The following RBFOX3 variants were observed in gnomAD, a reference collection of about 807,000 sequenced individuals.
RBFOX3 encodes RNA binding protein fox-1 homolog 3.
RBFOX3 carries 17 observed loss-of-function variants against 48.7 expected under a neutral mutation model. The ratio of observed to expected loss-of-function variants is 0.35; its 90% CI spans 0.24 to 0.52. The LOEUF is 0.52. Ranked by LOEUF, RBFOX3 falls within the 20% of genes least tolerant of loss-of-function variation. The pLI is 0.94. For missense variants in RBFOX3, 382 were observed against 497.5 expected, an observed-to-expected ratio of 0.77 and a Z score of 2.21; for synonymous variants, 212 against 209.5, an observed-to-expected ratio of 1.01 and a Z score of -0.10.
chr17:79,223,340 C>T (rs1181757009), intron 4 of RBFOX3, among the ~76,000 whole-genome samples: 3 of 152,194 alleles, frequency 2.0e-5, no homozygotes, highest in Non-Finnish European at 4.4e-5. Context: ...TGTATCTGCA[C>T]ACACACACAT....
chr17:79,514,729 C>T lies in RBFOX3; in HGVS notation c.-319-32131G>A, dbSNP rs1199509104. ...AAGCCTCTGGGTGGCATCTGCATCC[C>T]CCCAGGCCATGTGGATCCACTGGAC... On this transcript the variant is annotated intron_variant, in intron 1 of 14. Coordinates refer to ENST00000693108, the MANE Select transcript of RBFOX3 (RefSeq NM_001350451.2). Among the ~76,000 whole-genome samples the T allele has an allele frequency of 4.6e-5, 7 of 152,338 alleles. No homozygotes were observed. The East Asian group carries it at 1.2e-3, about 25-fold the overall frequency.
intron 4 of RBFOX3, among the ~76,000 whole-genome samples, chr17:79,162,350 G>A (rs2047146009): frequency 6.6e-6 from 1 of 152,216 alleles, no homozygotes; most frequent in Non-Finnish European, 1.5e-5. Flanking sequence ...CCTGCAAGGT[G>A]AGACGTCGGA....
At position 79,242,199 on chromosome 17, in the gene RBFOX3, C is replaced by G. The variant is rs74427824; in HGVS notation, c.-73-6394G>C. Among the ~76,000 whole-genome samples the G allele has an allele frequency of 0.014, 2,151 of 152,178 alleles. 63 individuals carry two copies. Among genetic ancestry groups the G allele is most frequent in the African/African-American group, 0.05 (2,057 of 41,500 alleles). On this transcript the variant is annotated intron_variant, in intron 3 of 14. Transcript: ENST00000693108. The surrounding 1 kb of genome is among the most constrained non-coding windows in gnomAD (Gnocchi z 5.8). ...TCTGGTTCCCAGCGTGCTGCTGCTG[C>G]TGGTGGAGGGGGTGCTACCTGAGGA... is the stretch of plus-strand genomic sequence containing the variant.
intron 2 of RBFOX3, among the ~76,000 whole-genome samples, chr17:79,427,160 T>C (rs928076755): frequency 2.0e-5 from 3 of 152,200 alleles, no homozygotes; most frequent in Non-Finnish European, 4.4e-5. Context: ...CTTTAGCTGG[T>C]AAGAGATGCG....
intron 4 of RBFOX3, among the ~76,000 whole-genome samples, chr17:79,160,676 AT>A (rs954148679): frequency 6.6e-6 from 1 of 151,416 alleles, no homozygotes; most frequent in Admixed American, 6.6e-5. Context: ...TCATTCATTC[AT>A]TTTTTTCTTA....
Position 79,111,862 on chromosome 17 carries a change from G to T in RBFOX3, c.222+3632C>A, listed in dbSNP as rs986782386. On this transcript the variant is annotated intron_variant, in intron 5 of 14. Coordinates refer to ENST00000693108, the MANE Select transcript of RBFOX3 (RefSeq NM_001350451.2). The surrounding 1 kb of genome is among the most constrained non-coding windows in gnomAD (Gnocchi z 4.2). ...CCTGCTGGGGAACACAGACCCTGGG[G>T]GTGGCTCAAGGTAGTGAGATGGGGT... Among the ~76,000 whole-genome samples, 2 of 152,254 alleles carry T rather than the reference G, an allele frequency of 1.3e-5. No homozygotes were observed. Among genetic ancestry groups the T allele is most frequent in the African/African-American group, 4.8e-5 (2 of 41,470 alleles).
intron 3 of RBFOX3, among the ~76,000 whole-genome samples, chr17:79,261,803 G>C (rs544333795): frequency 8.1e-4 from 123 of 152,304 alleles, no homozygotes; most frequent in African/African-American, 2.8e-3. Flanking sequence ...GTTCACACAA[G>C]AGGCCCCCAG....
chr17:79,090,752 G>T lies in RBFOX3; in HGVS notation c.*131C>A. On this transcript the variant is annotated 3_prime_UTR_variant, in exon 15 of 15. Transcript: ENST00000693108. ...ACGCGGGACTTGGACTTGGTTGGAT[G>T]CCTCTTGGTTTGGTTGGTTTTTTTT... 1 of 1,130,892 alleles carries T rather than the reference G, an allele frequency of 8.8e-7. No individual in the cohort carries two copies. Among genetic ancestry groups the T allele is most frequent in the African/African-American group, 1.6e-5 (1 of 61,644 alleles). 70.1% of individuals were successfully genotyped at this position (1,130,892 alleles called of 1,614,324 possible). A position where few individuals can be genotyped will look rare whatever the true frequency, so the allele number is the denominator to read the frequency against.
chr17:79,613,560 T>C (rs2093982948), upstream of RBFOX3, among the ~76,000 whole-genome samples: 1 of 152,230 alleles, frequency 6.6e-6, no homozygotes, highest in African/African-American at 2.4e-5. Flanking sequence ...TGGGGAGTCC[T>C]TGGTAATAAT....
chr17:79,120,903 C>G (rs2035575186), intron 4 of RBFOX3, among the ~76,000 whole-genome samples: 1 of 152,092 alleles, frequency 6.6e-6, no homozygotes, highest in South Asian at 2.1e-4. Flanking sequence ...CTCTACTCCA[C>G]AGCCCACACT....
At chr17:79,138,832 C>T (rs1371348970) in intron 4 of RBFOX3, among the ~76,000 whole-genome samples, 55 of 138,424 alleles carry the variant, frequency 4.0e-4, no homozygotes, top group East Asian at 6.8e-4. Context: ...CCCTCACCCA[C>T]ACACATGCAC....
intron 3 of RBFOX3, among the ~76,000 whole-genome samples, chr17:79,289,083 A>G (rs1030508726): frequency 1.3e-5 from 2 of 152,080 alleles, no homozygotes; most frequent in African/African-American, 4.8e-5. Flanking sequence ...AAGTGACCTC[A>G]CCAGAACCTG....
chr17:79,304,184 G>A (rs778341696), intron 3 of RBFOX3, among the ~76,000 whole-genome samples: 3 of 152,046 alleles, frequency 2.0e-5, no homozygotes, highest in Non-Finnish European at 2.9e-5. Context: ...GCCTGTCTTA[G>A]TACTTGCAAA....
intron 2 of RBFOX3, among the ~76,000 whole-genome samples, chr17:79,457,453 CCCAA>C (rs1291239834): frequency 6.6e-6 from 1 of 152,188 alleles, no homozygotes; most frequent in African/African-American, 2.4e-5. Context: ...TGTGAAATCA[CCCAA>C]CCAAGACACG....
At chr17:79,295,426 G>C (rs1344332806) in intron 3 of RBFOX3, among the ~76,000 whole-genome samples, 1 of 152,176 alleles carries the variant, frequency 6.6e-6, no homozygotes, top group African/African-American at 2.4e-5. Context: ...GAGCGAGGGA[G>C]GGATGCCTGC....
intron 4 of RBFOX3, among the ~76,000 whole-genome samples, chr17:79,222,675 C>T (rs1026346436): frequency 6.6e-6 from 1 of 152,220 alleles, no homozygotes; most frequent in Non-Finnish European, 1.5e-5. Context: ...TCCATGTCCC[C>T]CCACACACAG....
At chr17:79,293,972 G>A (rs1361186728) in intron 3 of RBFOX3, among the ~76,000 whole-genome samples, 2 of 152,156 alleles carry the variant, frequency 1.3e-5, no homozygotes, top group African/African-American at 4.8e-5. Flanking sequence ...GCCAGCATGG[G>A]GTCAACTAGG....
At chr17:79,178,288 T>G (rs536637983) in intron 4 of RBFOX3, among the ~76,000 whole-genome samples, 1 of 152,276 alleles carries the variant, frequency 6.6e-6, no homozygotes, top group African/African-American at 2.4e-5. Flanking sequence ...TAAACTTCGC[T>G]GGGTGTCAGG....
At chr17:79,167,415 A>G (rs2048243431) in intron 4 of RBFOX3, among the ~76,000 whole-genome samples, 2 of 123,300 alleles carry the variant, frequency 1.6e-5, no homozygotes, top group African/African-American at 8.4e-5. Context: ...CCTACTGAGC[A>G]CCCTCCAAGG....
Sources: allele counts gnomAD v4.1 joint callset (sites outside exome capture counted in the v4.1 genomes callset), GRCh38; gene constraint gnomAD v4.1.1; non-coding constraint Gnocchi (gnomAD v3.1); transcripts MANE v1.5; gene names NCBI Gene and HGNC (gene_info 2026-07-23, HGNC 2026-07-21).